The following DIP2C variants were observed in gnomAD, a reference collection of about 807,000 sequenced individuals.
DIP2C encodes disco-interacting protein 2 homolog C.
Under a neutral mutation model 192.4 loss-of-function variants are expected in DIP2C, and 33 were observed. That is an observed-to-expected ratio of 0.17 (90% CI 0.13 to 0.23). DIP2C has a LOEUF of 0.23. DIP2C is among the 10% of genes least tolerant of loss of function. The pLI is 1.00. For missense variants in DIP2C, 1,537 were observed against 2,110.1 expected (o/e 0.73, Z 5.32); for synonymous variants, 979 against 864.1 (o/e 1.13, Z -2.33).
chr10:470,887 G>C (rs2133435835), intron 3 of DIP2C, among the ~76,000 whole-genome samples: 1 of 152,274 alleles, frequency 6.6e-6, no homozygotes, highest in East Asian at 1.9e-4. Context: ...GAAGCCATGT[G>C]AACTCAGCCT....
intron 1 of DIP2C, among the ~76,000 whole-genome samples, chr10:592,519 G>T (rs1186984619): frequency 6.6e-6 from 1 of 151,486 alleles, no homozygotes; most frequent in African/African-American, 2.5e-5. Flanking sequence ...CTAGCATAAA[G>T]AAAATATTTT....
At chr10:392,214 G>A (rs540616011) in intron 10 of DIP2C, among the ~76,000 whole-genome samples, 3 of 152,290 alleles carry the variant, frequency 2.0e-5, no homozygotes, top group African/African-American at 7.2e-5. Context: ...GGCAGAGGTG[G>A]GGCGACATCA....
chr10:326,721 A>G (rs919981357), intron 31 of DIP2C, among the ~76,000 whole-genome samples: 11 of 152,198 alleles, frequency 7.2e-5, no homozygotes, highest in Admixed American at 2.0e-4. Flanking sequence ...CTAATCTTTA[A>G]AAAGTCGAAC....
At chr10:378,688 T>C (rs1011408999) in intron 17 of DIP2C, among the ~76,000 whole-genome samples, 2 of 150,422 alleles carry the variant, frequency 1.3e-5, no homozygotes, top group African/African-American at 2.5e-5. Flanking sequence ...TGAACAGACA[T>C]GCATACACAC....
chr10:289,665 G>A (rs1165159475), intron 32 of DIP2C, among the ~76,000 whole-genome samples: 1 of 152,192 alleles, frequency 6.6e-6, no homozygotes, highest in Non-Finnish European at 1.5e-5. Flanking sequence ...GAGGATGAGG[G>A]GTAGGGAAGG....
At chr10:341,038 C>G in intron 29 of DIP2C, 161 bp downstream of exon 29, 1 of 1,031,946 alleles carries the variant, frequency 9.7e-7, no homozygotes, top group Non-Finnish European at 1.5e-6. Flanking sequence ...CCCCGAGAGC[C>G]AAGTCCACCA....
intron 17 of DIP2C, among the ~76,000 whole-genome samples, chr10:370,641 T>C (rs1960846237): frequency 6.6e-6 from 1 of 152,242 alleles, no homozygotes; most frequent in African/African-American, 2.4e-5. Flanking sequence ...TAAGTTAAAA[T>C]CTAAGATCAC....
At chr10:488,366 C>T (rs1844170600) in intron 1 of DIP2C, among the ~76,000 whole-genome samples, 1 of 152,102 alleles carries the variant, frequency 6.6e-6, no homozygotes, top group Admixed American at 6.6e-5. Context: ...GTTTGCTGGC[C>T]CATCCCCAAA....
intron 5 of DIP2C, among the ~76,000 whole-genome samples, chr10:419,439 CG>C (rs1966025588): frequency 6.6e-6 from 1 of 152,182 alleles, no homozygotes; most frequent in Non-Finnish European, 1.5e-5. Flanking sequence ...AATTTCCTAA[CG>C]GGAGCCATGT....
At chr10:360,337 G>A (rs1959310950) in intron 22 of DIP2C, among the ~76,000 whole-genome samples, 1 of 152,180 alleles carries the variant, frequency 6.6e-6, no homozygotes, top group Non-Finnish European at 1.5e-5. Context: ...AATGCCCCCA[G>A]GGTATATCAC....
intron 1 of DIP2C, among the ~76,000 whole-genome samples, chr10:613,324 G>T (rs187223288): frequency 6.6e-6 from 1 of 152,194 alleles, no homozygotes; most frequent in South Asian, 2.1e-4. Context: ...AGCTAGAGCC[G>T]ATCACAGTGC....
At chr10:329,860 G>T (rs1284811315) in intron 29 of DIP2C, among the ~76,000 whole-genome samples, 1 of 152,098 alleles carries the variant, frequency 6.6e-6, no homozygotes, top group African/African-American at 2.4e-5. Context: ...ACTACTAAAC[G>T]CTGTGATGCT....
intron 1 of DIP2C, among the ~76,000 whole-genome samples, chr10:623,122 G>A (rs932083462): frequency 2.0e-5 from 3 of 152,196 alleles, no homozygotes; most frequent in Non-Finnish European, 4.4e-5. Context: ...AGCCAGTGAG[G>A]TGGCTGCACG....
chr10:596,363 G>A (rs184657464), intron 1 of DIP2C, among the ~76,000 whole-genome samples: 41 of 151,766 alleles, frequency 2.7e-4, no homozygotes, highest in Non-Finnish European at 5.0e-4. Flanking sequence ...TTAGCCGGGC[G>A]CAGGTGCCTG....
At chr10:341,164 T>G in intron 29 of DIP2C, 35 bp downstream of exon 29, 1 of 1,613,276 alleles carries the variant, frequency 6.2e-7, no homozygotes, top group Non-Finnish European at 8.5e-7. Context: ...GGTGCATGAT[T>G]TTTTTTAATG....
chr10:486,934 CTTCA>C (rs1353762304), intron 1 of DIP2C, among the ~76,000 whole-genome samples: 2 of 152,216 alleles, frequency 1.3e-5, no homozygotes, highest in African/African-American at 4.8e-5. Flanking sequence ...TTGGCATCTT[CTTCA>C]TTAACAAGAT....
intron 1 of DIP2C, among the ~76,000 whole-genome samples, chr10:592,781 G>C (rs1242296138): frequency 6.6e-6 from 1 of 152,094 alleles, no homozygotes; most frequent in African/African-American, 2.4e-5. Flanking sequence ...TAAATACCAT[G>C]AGAATACAGC....
At chr10:416,683 G>A (rs1324349170) in intron 6 of DIP2C, among the ~76,000 whole-genome samples, 1 of 152,164 alleles carries the variant, frequency 6.6e-6, no homozygotes, top group Non-Finnish European at 1.5e-5. Flanking sequence ...CAATGAAAGA[G>A]TCAAGGTTTT....
chr10:422,125 T>C (rs1475035234), intron 5 of DIP2C, among the ~76,000 whole-genome samples: 2 of 152,130 alleles, frequency 1.3e-5, no homozygotes, highest in African/African-American at 4.8e-5. Flanking sequence ...ATCGGCGACG[T>C]GGTAAGCAGT....
Sources: allele counts gnomAD v4.1 joint callset (sites outside exome capture counted in the v4.1 genomes callset), GRCh38; gene constraint gnomAD v4.1.1; transcripts MANE v1.5; gene names NCBI Gene and HGNC (gene_info 2026-07-23, HGNC 2026-07-21).